Variants in RPAP3 observed in about 807,000 individuals in gnomAD.
The protein encoded by RPAP3 is RNA polymerase II-associated protein 3.
A neutral mutation model predicts 88.8 loss-of-function variants in RPAP3; 58 were observed. The observed-to-expected ratio is 0.65, with a 90% CI of 0.53 to 0.81. RPAP3 has a LOEUF of 0.81. RPAP3 is among the 40% of genes least tolerant of loss of function. The probability of loss-of-function intolerance (pLI) is 0.00; values close to 1 mark genes in which losing one functional copy is unlikely to be tolerated. For synonymous variants in RPAP3, 255 were observed against 259.9 expected (o/e 0.98, Z 0.18); for missense variants, 751 against 764.3 (o/e 0.98, Z 0.20).
At chr12:47,704,129 G>A (rs1244822498) in intron 1 of RPAP3, among the ~76,000 whole-genome samples, 1 of 152,138 alleles carries the variant, frequency 6.6e-6, no homozygotes, top group Non-Finnish European at 1.5e-5. Flanking sequence ...TCAAGGATGT[G>A]GCCATGTTTA....
chr12:47,700,480 T>C (rs1220391303), intron 3 of RPAP3, among the ~76,000 whole-genome samples: 1 of 152,202 alleles, frequency 6.6e-6, no homozygotes, highest in Non-Finnish European at 1.5e-5. Flanking sequence ...AACACTTGTT[T>C]AAAAACTAAA....
intron 9 of RPAP3, among the ~76,000 whole-genome samples, chr12:47,682,694 AC>A (rs1347259280): frequency 2.0e-5 from 3 of 151,394 alleles, no homozygotes; most frequent in Non-Finnish European, 4.4e-5. Flanking sequence ...AAAAAAAAAA[AC>A]ACTCCTGTAA....
intron 9 of RPAP3, among the ~76,000 whole-genome samples, chr12:47,683,817 C>T (rs796169334): frequency 3.9e-5 from 6 of 152,258 alleles, no homozygotes; most frequent in African/African-American, 1.4e-4. Context: ...GTCCACTTGC[C>T]CTAGGTCTAC....
chr12:47,684,915 CAG>C (rs1454686184), intron 9 of RPAP3, among the ~76,000 whole-genome samples: 2 of 152,160 alleles, frequency 1.3e-5, no homozygotes, highest in Non-Finnish European at 2.9e-5. Flanking sequence ...AATATATAAT[CAG>C]AATTTATTTC....
chr12:47,691,195 G>A (rs752265910), intron 5 of RPAP3, among the ~76,000 whole-genome samples: 1 of 152,068 alleles, frequency 6.6e-6, no homozygotes, highest in Non-Finnish European at 1.5e-5. Flanking sequence ...TATCAACTAA[G>A]TTTATATAAT....
Position 47,698,813 on chromosome 12 carries a change from T to C in RPAP3, c.295-1094A>G, listed in dbSNP as rs569600602. 3.9e-5 allele frequency among the ~76,000 whole-genome samples: 6 copies of C among 152,274 alleles called. No homozygotes were observed. In the South Asian group the frequency reaches 1.2e-3, roughly 32 times the overall value. ...AGGCGTAAGCCACCGTGACGACCAT[T>C]AGAGTTCATTAAAGCACATTTAAAT... On this transcript the variant is annotated intron_variant, in intron 3 of 16. Coordinates refer to ENST00000005386, the MANE Select transcript of RPAP3 (RefSeq NM_024604.3).
At chr12:47,674,462 G>A (rs1028609605) in intron 12 of RPAP3, among the ~76,000 whole-genome samples, 1 of 152,138 alleles carries the variant, frequency 6.6e-6, no homozygotes, top group African/African-American at 2.4e-5. Context: ...AGCTAAAGGA[G>A]GATGTTCGAA....
At chr12:47,685,502 A>C (rs1232949697) in intron 9 of RPAP3, among the ~76,000 whole-genome samples, 2 of 152,120 alleles carry the variant, frequency 1.3e-5, no homozygotes, top group African/African-American at 2.4e-5. Flanking sequence ...GCTTATTTGC[A>C]TGTGATTGCA....
intron 12 of RPAP3, among the ~76,000 whole-genome samples, chr12:47,679,094 T>C (rs1939171839): frequency 6.6e-6 from 1 of 152,338 alleles, no homozygotes; most frequent in Non-Finnish European, 1.5e-5. Flanking sequence ...TTCATGCCCT[T>C]TGCAGGGACA....
intron 8 of RPAP3, among the ~76,000 whole-genome samples, chr12:47,687,142 T>C (rs1939342565): frequency 6.6e-6 from 1 of 152,182 alleles, no homozygotes; most frequent in Non-Finnish European, 1.5e-5. Flanking sequence ...ACTACATTAC[T>C]TTGCAGCATT....
intron 3 of RPAP3, among the ~76,000 whole-genome samples, chr12:47,698,926 A>G (rs948228606): frequency 6.6e-6 from 1 of 152,248 alleles, no homozygotes; most frequent in South Asian, 2.1e-4. Context: ...TTATAAAAAT[A>G]AAAAAATTAT....
chr12:47,670,419 C>T, intron 12 of RPAP3, 74 bp from the exon 13 acceptor site: 3 of 801,010 alleles, frequency 3.7e-6, no homozygotes, highest in Non-Finnish European at 5.9e-6. Flanking sequence ...AGTTAAAAGG[C>T]TGCAATGATC....
intron 12 of RPAP3, among the ~76,000 whole-genome samples, chr12:47,671,436 T>C (rs962760689): frequency 2.0e-5 from 3 of 152,218 alleles, no homozygotes; most frequent in Non-Finnish European, 4.4e-5. Context: ...GTTGTAAATA[T>C]AAGCACTTCT....
rs757705979 is a variant in RPAP3, at chr12:47,670,279, T to C, written c.1354A>G (p.Ser452Gly). ...NLIQTIDVPD[S>G]TTAAAPENNP... ...TTCTCTGGAGCAGCAGCAGTAGTGCTATCTGGCACATCAATAGTCTGTATC... is the reference window on the plus strand; with the variant it reads ...TTCTCTGGAGCAGCAGCAGTAGTGCCATCTGGCACATCAATAGTCTGTATC... Residue 452 changes from serine (S) to glycine (G), a missense_variant, in exon 13 of 17, where the codon AGC becomes GGC. By Grantham distance (56) the Ser-to-Gly change is moderately conservative. Coordinates refer to ENST00000005386, the MANE Select transcript of RPAP3 (RefSeq NM_024604.3). The C allele has an allele frequency of 9.9e-6, 16 of 1,613,524 alleles. No homozygotes were observed. Among genetic ancestry groups the C allele is most frequent in the Middle Eastern group, 3.3e-4 (2 of 6,080 alleles).
At chr12:47,670,785 T>C (rs887194733) in intron 12 of RPAP3, among the ~76,000 whole-genome samples, 9 of 152,128 alleles carry the variant, frequency 5.9e-5, no homozygotes, top group Non-Finnish European at 7.4e-5. Context: ...CAAAGGCAGT[T>C]TGAAGACAGC....
At chr12:47,701,788 TTGA>T (rs1295231167) in intron 2 of RPAP3, among the ~76,000 whole-genome samples, 184 bp from the exon 3 acceptor site, 6 of 152,210 alleles carry the variant, frequency 3.9e-5, no homozygotes, top group African/African-American at 1.4e-4. Context: ...AATTCATACT[TTGA>T]TGAGTGTTGA....
intron 7 of RPAP3, 128 bp downstream of exon 7, chr12:47,688,997 C>T: frequency 3.5e-6 from 2 of 572,328 alleles, no homozygotes; most frequent in Non-Finnish European, 6.0e-6. Context: ...TAGTAAAACT[C>T]TATAGTACAA....
intron 6 of RPAP3, 136 bp from the exon 7 acceptor site, chr12:47,689,331 T>C (rs562231626): frequency 9.8e-6 from 5 of 507,670 alleles, no homozygotes; most frequent in Admixed American, 4.0e-5. Flanking sequence ...AGAAATACTA[T>C]CATTAGGCCA....
chr12:47,694,098 G>A (rs1939477686), intron 5 of RPAP3, among the ~76,000 whole-genome samples: 2 of 152,174 alleles, frequency 1.3e-5, no homozygotes, highest in African/African-American at 4.8e-5. Context: ...TTATATTGAT[G>A]AGTAAAAGTC....
Sources: allele counts gnomAD v4.1 joint callset (sites outside exome capture counted in the v4.1 genomes callset), GRCh38; gene constraint gnomAD v4.1.1; transcripts MANE v1.5; gene names NCBI Gene and HGNC (gene_info 2026-07-23, HGNC 2026-07-21).